The following CCDC178 variants were observed in gnomAD, a reference collection of about 807,000 sequenced individuals.
CCDC178 encodes the protein coiled-coil domain-containing protein 178.
A neutral mutation model predicts 117.4 loss-of-function variants in CCDC178; 126 were observed. The ratio of observed to expected loss-of-function variants is 1.07; its 90% CI spans 0.93 to 1.24. The LOEUF (loss-of-function observed/expected upper bound fraction) is 1.24, where lower values mean the gene tolerates loss of function less well. Among genes scored for constraint, CCDC178 ranks in the 50% most tolerant of loss-of-function variants. The pLI, the probability that CCDC178 is intolerant of heterozygous loss-of-function variation, is 0.00. For synonymous variants in CCDC178, 283 were observed against 313.4 expected (o/e 0.90, Z 1.02); for missense variants, 1,030 against 986.9 (o/e 1.04, Z -0.59).
chr18:33,071,871 C>T (rs1018956261), intron 21 of CCDC178, among the ~76,000 whole-genome samples: 7 of 151,976 alleles, frequency 4.6e-5, no homozygotes, highest in African/African-American at 7.3e-5. Flanking sequence ...CATCAACTCT[C>T]TAGGTAATTA....
At chr18:33,240,868 C>T (rs539239999) in intron 15 of CCDC178, among the ~76,000 whole-genome samples, 1 of 151,746 alleles carries the variant, frequency 6.6e-6, no homozygotes, top group Non-Finnish European at 1.5e-5. Context: ...CCAGCATAAC[C>T]TCAATATCAA....
chr18:32,949,132 G>T (rs559447711), intron 22 of CCDC178, among the ~76,000 whole-genome samples: 1 of 151,716 alleles, frequency 6.6e-6, no homozygotes, highest in Non-Finnish European at 1.5e-5. Flanking sequence ...TTTGTTCGTC[G>T]GCACATTACA....
At chr18:33,256,908 T>G (rs1345480162) in intron 14 of CCDC178, among the ~76,000 whole-genome samples, 3 of 152,124 alleles carry the variant, frequency 2.0e-5, no homozygotes, top group African/African-American at 7.2e-5. Flanking sequence ...TCTATTAGTT[T>G]GTTTTGTTCC....
chr18:33,340,076 G>T (rs1599186255), intron 9 of CCDC178, among the ~76,000 whole-genome samples: 1 of 152,120 alleles, frequency 6.6e-6, no homozygotes, highest in Non-Finnish European at 1.5e-5. Flanking sequence ...CTAGAGACTT[G>T]CTGAATGGCT....
At chr18:32,953,175 C>T (rs949818772) in intron 22 of CCDC178, among the ~76,000 whole-genome samples, 1 of 152,218 alleles carries the variant, frequency 6.6e-6, no homozygotes, top group African/African-American at 2.4e-5. Context: ...CCAAGTTCCA[C>T]AGATTTTTAT....
At chr18:33,004,569 G>C (rs9953819) in intron 21 of CCDC178, among the ~76,000 whole-genome samples, 65 of 152,132 alleles carry the variant, frequency 4.3e-4, no homozygotes, top group African/African-American at 1.5e-3. Context: ...AAGATTTCTT[G>C]AGTGATACCC....
intron 20 of CCDC178, among the ~76,000 whole-genome samples, chr18:33,173,591 G>A (rs1191764336): frequency 6.6e-6 from 1 of 152,100 alleles, no homozygotes; most frequent in African/African-American, 2.4e-5. Flanking sequence ...AATGTTTCCT[G>A]CATAAGCATT....
intron 22 of CCDC178, among the ~76,000 whole-genome samples, chr18:32,966,956 A>C (rs1017529276): frequency 6.6e-6 from 1 of 151,834 alleles, no homozygotes; most frequent in Non-Finnish European, 1.5e-5. Flanking sequence ...TATTAATTCT[A>C]AAGTTTTTTT....
rs370984482 is a variant in CCDC178 at position 33,304,945 on chromosome 18, C to T, written c.1023-11633G>A. Among the ~76,000 whole-genome samples, 29 of 152,308 alleles carry T rather than the reference C, an allele frequency of 1.9e-4. No homozygotes were observed. The East Asian group carries it at 5.4e-3, about 28-fold the overall frequency. On this transcript the variant is annotated intron_variant, in intron 11 of 22. Transcript: ENST00000383096. The stretch of plus-strand genomic sequence containing the variant: ...TTTTGATTTTAATGTTCAACCTCTT[C>T]ATTTTTGCTCCCCTTATCCCTCACT...
chr18:33,302,512 TGGGCATTTATCCAAAGGAAA>T (rs1390688023), intron 11 of CCDC178, among the ~76,000 whole-genome samples: 1 of 152,202 alleles, frequency 6.6e-6, no homozygotes, highest in African/African-American at 2.4e-5. Flanking sequence ...ATCTCACTAC[TGGGCATTTATCCAAAGGAAA>T]GGAAATCAGT....
intron 21 of CCDC178, among the ~76,000 whole-genome samples, chr18:33,001,628 C>T (rs1022764125): frequency 8.6e-5 from 13 of 151,962 alleles, no homozygotes; most frequent in Non-Finnish European, 1.8e-4. Context: ...GAGAAGACCA[C>T]AAAACAACTA....
At chr18:32,941,243 G>C (rs1382365582) in intron 22 of CCDC178, among the ~76,000 whole-genome samples, 1 of 152,018 alleles carries the variant, frequency 6.6e-6, no homozygotes, top group Non-Finnish European at 1.5e-5. Flanking sequence ...TTAAAACACT[G>C]TGATGATAAT....
intron 20 of CCDC178, among the ~76,000 whole-genome samples, chr18:33,130,083 T>C (rs2058052656): frequency 6.6e-6 from 1 of 151,944 alleles, no homozygotes; most frequent in Admixed American, 6.6e-5. Flanking sequence ...CTTGATAGCA[T>C]AGCTAAATTT....
intron 15 of CCDC178, among the ~76,000 whole-genome samples, chr18:33,241,263 G>A (rs752451555): frequency 2.6e-5 from 4 of 151,700 alleles, no homozygotes; most frequent in African/African-American, 4.8e-5. Flanking sequence ...AAAGCTAAAC[G>A]TCTTTCCTCT....
At position 33,212,085 on chromosome 18, in the gene CCDC178, A is replaced by C. The variant is rs761720068; in HGVS notation, c.2079-30T>G. ...GAAGAAAGAATTCCATGTGCCACTA[A>C]TCAATTCACATTTTATTTTTCAAAA... is the stretch of plus-strand genomic sequence containing the variant. On this transcript the variant is annotated intron_variant, in intron 19 of 22. Transcript: ENST00000383096. 3.4e-6 allele frequency: 5 copies of C among 1,482,362 alleles called. No individual in the cohort carries two copies. In the Admixed American group the frequency reaches 1.2e-4, roughly 36 times the overall value. 91.8% of individuals were successfully genotyped at this position (1,482,362 alleles called of 1,614,324 possible).
chr18:33,400,811 A>G (rs1477885028), intron 3 of CCDC178, among the ~76,000 whole-genome samples: 1 of 152,238 alleles, frequency 6.6e-6, no homozygotes, highest in East Asian at 1.9e-4. Context: ...TGCATTCACA[A>G]CTTGGCTAAC....
intron 2 of CCDC178, among the ~76,000 whole-genome samples, chr18:33,421,637 C>G (rs1021132853): frequency 1.3e-5 from 2 of 152,136 alleles, no homozygotes; most frequent in Non-Finnish European, 2.9e-5. Context: ...AAAGACAGGA[C>G]AAGCGCTGTA....
At chr18:33,132,873 A>G (rs1442193193) in intron 20 of CCDC178, among the ~76,000 whole-genome samples, 1 of 151,826 alleles carries the variant, frequency 6.6e-6, no homozygotes, top group Non-Finnish European at 1.5e-5. Context: ...GTAATAATAC[A>G]GCAGAATTAA....
chr18:32,956,362 T>A (rs2144644125), intron 22 of CCDC178, among the ~76,000 whole-genome samples: 1 of 152,346 alleles, frequency 6.6e-6, no homozygotes, highest in African/African-American at 2.4e-5. Context: ...CACAATGCTT[T>A]AAGCCTGGAT....
Sources: allele counts gnomAD v4.1 joint callset (sites outside exome capture counted in the v4.1 genomes callset), GRCh38; gene constraint gnomAD v4.1.1; transcripts MANE v1.5; gene names NCBI Gene and HGNC (gene_info 2026-07-23, HGNC 2026-07-21).